Variants in DNM3 observed in about 807,000 individuals in gnomAD.
DNM3 encodes the protein dynamin 3.
DNM3 carries 47 observed loss-of-function variants against 101.6 expected under a neutral mutation model. That is an observed-to-expected ratio of 0.46 (90% CI 0.37 to 0.59). The LOEUF (loss-of-function observed/expected upper bound fraction) is 0.59, where lower values mean the gene tolerates loss of function less well. Ranked by LOEUF, DNM3 falls within the 20% of genes least tolerant of loss-of-function variation. DNM3 has a pLI of 0.00. For synonymous variants in DNM3, 385 were observed against 387.9 expected (o/e 0.99, Z 0.09); for missense variants, 849 against 1,085.7 (o/e 0.78, Z 3.06).
intron 15 of DNM3, among the ~76,000 whole-genome samples, chr1:172,307,282 C>G (rs1399467933): frequency 6.6e-6 from 1 of 151,376 alleles, no homozygotes; most frequent in Non-Finnish European, 1.5e-5. Context: ...AAATGCTCAT[C>G]ATCACTGATC....
chr1:172,140,033 G>T (rs2057483865), intron 14 of DNM3: 1 of 151,934 alleles, frequency 6.6e-6, no homozygotes, highest in Admixed American at 6.6e-5. Context: ...TCCAAGGATT[G>T]TATAATTAGA....
chr1:172,248,643 A>G (rs6678749), intron 14 of DNM3, among the ~76,000 whole-genome samples: 3 of 151,998 alleles, frequency 2.0e-5, no homozygotes, highest in Non-Finnish European at 2.9e-5. Context: ...TTCCTGGCAA[A>G]TAGAAGACAA....
chr1:172,080,811 T>C (rs1459322009), intron 11 of DNM3, among the ~76,000 whole-genome samples: 1 of 152,144 alleles, frequency 6.6e-6, no homozygotes, highest in Non-Finnish European at 1.5e-5. Flanking sequence ...GGGAAAAGCG[T>C]AGTATCTGGG....
chr1:172,175,414 T>C (rs1429609348), intron 14 of DNM3, among the ~76,000 whole-genome samples: 1 of 151,772 alleles, frequency 6.6e-6, no homozygotes, highest in Non-Finnish European at 1.5e-5. Context: ...TTAGTTATCA[T>C]TGAATACTTA....
intron 3 of DNM3, among the ~76,000 whole-genome samples, chr1:171,988,489 C>T (rs1311491840): frequency 1.3e-5 from 2 of 151,544 alleles, no homozygotes; most frequent in Admixed American, 6.6e-5. Flanking sequence ...CAGGGCACCA[C>T]GAATGGCTAA....
chr1:172,281,338 G>A (rs1200679557), intron 15 of DNM3, among the ~76,000 whole-genome samples: 1 of 152,106 alleles, frequency 6.6e-6, no homozygotes, highest in East Asian at 1.9e-4. Flanking sequence ...CTCTACACTT[G>A]AAATCGATTT....
At chr1:172,347,287 A>G (rs1200038523) in intron 17 of DNM3, among the ~76,000 whole-genome samples, 1 of 152,184 alleles carries the variant, frequency 6.6e-6, no homozygotes, top group Non-Finnish European at 1.5e-5. Context: ...AGGAAAATGA[A>G]TAGCTTACAA....
chr1:172,346,700 G>A (rs145933275), intron 17 of DNM3, among the ~76,000 whole-genome samples: 67 of 152,232 alleles, frequency 4.4e-4, no homozygotes, highest in East Asian at 1.7e-3. Flanking sequence ...TGTATTAAAT[G>A]CACTACCAAA....
intron 15 of DNM3, among the ~76,000 whole-genome samples, chr1:172,301,728 C>G (rs1032959054): frequency 6.6e-6 from 1 of 151,988 alleles, no homozygotes; most frequent in Non-Finnish European, 1.5e-5. Flanking sequence ...CTACTATAAT[C>G]TGACATTTAT....
In DNM3 at chr1:172,084,826, A is replaced by G. The variant is rs114507009; in HGVS notation, c.1493+2924A>G. 2.8e-3 allele frequency among the ~76,000 whole-genome samples: 433 copies of G among 152,304 alleles called. 3 individuals carry two copies. Among genetic ancestry groups the G allele is most frequent in the African/African-American group, 1.0e-2 (415 of 41,578 alleles). Reference sequence around the variant, plus strand: ...AGGGAAGGAACTGCCTCCCAGATTTATAGGATGGTGATGTACATAGTACTT... The same window carrying G: ...AGGGAAGGAACTGCCTCCCAGATTTGTAGGATGGTGATGTACATAGTACTT... On this transcript the variant is annotated intron_variant, in intron 12 of 20. Coordinates refer to ENST00000627582, the MANE Select transcript of DNM3 (RefSeq NM_015569.5).
chr1:171,927,971 G>T (rs781649983), intron 2 of DNM3, among the ~76,000 whole-genome samples: 6 of 152,174 alleles, frequency 3.9e-5, no homozygotes, highest in Non-Finnish European at 8.8e-5. Flanking sequence ...CTGCATGTGG[G>T]TGTTCCTTTA....
chr1:172,320,782 G>C (rs2065676158), intron 16 of DNM3, among the ~76,000 whole-genome samples: 1 of 152,144 alleles, frequency 6.6e-6, no homozygotes, highest in African/African-American at 2.4e-5. Context: ...GGTTAGTCAG[G>C]AGTGAGCAGA....
intron 11 of DNM3, among the ~76,000 whole-genome samples, chr1:172,078,308 G>A (rs1477874678): frequency 1.3e-5 from 2 of 152,108 alleles, no homozygotes; most frequent in Non-Finnish European, 2.9e-5. Flanking sequence ...TAGCCAGGAT[G>A]TTCTCTATCT....
intron 17 of DNM3, among the ~76,000 whole-genome samples, chr1:172,333,259 T>C (rs2066267678): frequency 6.6e-6 from 1 of 152,196 alleles, no homozygotes; most frequent in Non-Finnish European, 1.5e-5. Context: ...ACAAAACTGT[T>C]ACACTAAAAG....
intron 1 of DNM3, among the ~76,000 whole-genome samples, chr1:171,920,927 A>G (rs1455303285): frequency 6.6e-6 from 1 of 152,026 alleles, no homozygotes; most frequent in Non-Finnish European, 1.5e-5. Flanking sequence ...CCCACATTTT[A>G]TGTGTCCTTT....
At chr1:172,400,860 T>C (rs1005349302) in intron 20 of DNM3, among the ~76,000 whole-genome samples, 1 of 152,182 alleles carries the variant, frequency 6.6e-6, no homozygotes, top group Non-Finnish European at 1.5e-5. Flanking sequence ...ACCTTTCCTA[T>C]TCCTGGAATG....
intron 4 of DNM3, among the ~76,000 whole-genome samples, chr1:171,990,373 G>A (rs1467134046): frequency 2.6e-5 from 4 of 152,260 alleles, no homozygotes; most frequent in Admixed American, 6.5e-5. Flanking sequence ...ACTGTGCTGA[G>A]AGTTGACCAT....
chr1:172,395,664 T>G (rs1319333336), intron 20 of DNM3, among the ~76,000 whole-genome samples: 2 of 152,244 alleles, frequency 1.3e-5, no homozygotes, highest in Non-Finnish European at 2.9e-5. Context: ...ATAACTTCAT[T>G]GCTGCTCAAA....
chr1:172,119,146 C>A (rs980886100), intron 13 of DNM3, among the ~76,000 whole-genome samples: 1 of 151,964 alleles, frequency 6.6e-6, no homozygotes, highest in African/African-American at 2.4e-5. Context: ...GCATGCACCA[C>A]CACACCCAGT....
Sources: gnomAD v4.1 joint callset for allele counts (sites outside exome capture counted in the v4.1 genomes callset) on GRCh38, gnomAD v4.1.1 for gene constraint, MANE v1.5 for transcripts, NCBI Gene and HGNC (gene_info 2026-07-23, HGNC 2026-07-21) for gene names.